The following OVCH1 variants were observed in gnomAD, a reference collection of about 807,000 sequenced individuals.
The protein encoded by OVCH1 is ovochymase-1.
In OVCH1, 139 loss-of-function variants were observed where a neutral mutation model predicts 138.4. The ratio of observed to expected loss-of-function variants is 1.00; its 90% CI spans 0.87 to 1.16. The LOEUF (loss-of-function observed/expected upper bound fraction) is 1.16. Among genes scored for constraint, OVCH1 ranks in the 50% most tolerant of loss-of-function variants. The pLI is 0.00. For synonymous variants in OVCH1, 453 were observed against 467.8 expected (o/e 0.97, Z 0.41); for missense variants, 1,367 against 1,357.9 (o/e 1.01, Z -0.11).
chr12:29,431,275 A>G lies in OVCH1; in HGVS notation c.3327+2476T>C, dbSNP rs181432322. Among the ~76,000 whole-genome samples the G allele has an allele frequency of 5.8e-3, 875 of 152,114 alleles. 6 individuals are homozygous for G. The highest frequency in any genetic ancestry group is 7.9e-3 in the Non-Finnish European group (535 of 67,998). ...AACAGCAAGACCTCGTCTCTACCAA[A>G]AAAAACAAAAGTGCTAGCCAGGTAT... On this transcript the variant is annotated intron_variant, in intron 27 of 27. Coordinates refer to ENST00000318184, the Ensembl canonical transcript of OVCH1.
downstream of OVCH1, chr12:29,423,443 G>T (rs1473773514): frequency 2.7e-6 from 1 of 371,344 alleles, no homozygotes; most frequent in Non-Finnish European, 5.3e-6. Flanking sequence ...AAGATTTGTA[G>T]GATGGAACTC....
At chr12:29,484,150 T>C (rs564754311) in intron 8 of OVCH1, among the ~76,000 whole-genome samples, 24 of 152,344 alleles carry the variant, frequency 1.6e-4, no homozygotes, top group African/African-American at 5.8e-4. Flanking sequence ...CTTAAAGATA[T>C]TTTTAGCTAC....
intron 25 of OVCH1, 59 bp downstream of exon 25, chr12:29,443,302 C>T: frequency 6.5e-7 from 1 of 1,528,902 alleles, no homozygotes; most frequent in Non-Finnish European, 8.9e-7. Context: ...ATGAAACAAT[C>T]TAAACATGTT....
chr12:29,458,514 A>G lies in OVCH1; in HGVS notation c.2281-3109T>C, dbSNP rs145487248. 9.1e-4 allele frequency among the ~76,000 whole-genome samples: 139 copies of G among 152,302 alleles called. 2 individuals are homozygous for G. The East Asian group carries it at 0.022, about 24-fold the overall frequency. On this transcript the variant is annotated intron_variant, in intron 19 of 27. Coordinates refer to ENST00000318184, the Ensembl canonical transcript of OVCH1. The stretch of plus-strand genomic sequence containing the variant: ...TCAAATCAAAATGGATTAAAGACTC[A>G]AATCTAAGACCTCAAACTATAAAAT...
downstream of OVCH1, among the ~76,000 whole-genome samples, chr12:29,411,390 A>C (rs1461049123): frequency 2.0e-5 from 3 of 151,236 alleles, no homozygotes; most frequent in African/African-American, 7.3e-5. Flanking sequence ...TGCTTTTTAG[A>C]GTTTCCAGTT....
At chr12:29,450,003 T>C (rs1454530803) in intron 22 of OVCH1, among the ~76,000 whole-genome samples, 1 of 152,116 alleles carries the variant, frequency 6.6e-6, no homozygotes, top group Non-Finnish European at 1.5e-5. Flanking sequence ...TTACATCTTA[T>C]ACAAAAATTA....
intron 27 of OVCH1, chr12:29,430,943 A>C (rs575214310): frequency 1.4e-4 from 74 of 516,144 alleles, no homozygotes; most frequent in Admixed American, 1.1e-3. Flanking sequence ...GAGTCCAGGC[A>C]GAAACGGTTT....
chr12:29,435,052 TATA>T (rs1487812726), intron 26 of OVCH1, among the ~76,000 whole-genome samples: 1 of 152,192 alleles, frequency 6.6e-6, no homozygotes, highest in East Asian at 1.9e-4. Flanking sequence ...CAAACTGAAA[TATA>T]ATATTTTTAG....
chr12:29,491,211 C>A lies in OVCH1; in HGVS notation c.455-19G>T, dbSNP rs747362940. 6.3e-7 allele frequency: 1 copy of A among 1,576,620 alleles called. No homozygotes were observed. The highest frequency in any genetic ancestry group is 8.7e-7 in the Non-Finnish European group (1 of 1,147,194). ...GCATTTCCTGAGAAAACAACAAAGG[C>A]ATGAGGTTCATGGATAAATACGCCA... On this transcript the variant is annotated intron_variant, in intron 4 of 27. Transcript: ENST00000318184.
intron 19 of OVCH1, 116 bp from the exon 20 acceptor site, chr12:29,455,521 ATTTGT>A: frequency 2.6e-6 from 3 of 1,174,268 alleles, no homozygotes; most frequent in East Asian, 2.8e-5. Flanking sequence ...TTCCTTAAAG[ATTTGT>A]TTTGTCAATT....
In OVCH1 at chr12:29,451,325, T is replaced by C; in HGVS notation, c.2755+20A>G. On this transcript the variant is annotated intron_variant, in intron 22 of 27. Transcript: ENST00000318184. ...GGACCAAGACTCCTAGCACGAAGTT[T>C]ATATGCCAGGAAGGATTACCTGCCG... 2 of 1,596,250 alleles carry C rather than the reference T, an allele frequency of 1.3e-6. No individual in the cohort carries two copies. Among genetic ancestry groups the C allele is most frequent in the Non-Finnish European group, 1.7e-6 (2 of 1,167,196 alleles).
At chr12:29,433,843 A>G in intron 26 of OVCH1, 3 of 1,370,440 alleles carry the variant, frequency 2.2e-6, no homozygotes, top group Non-Finnish European at 2.9e-6. Flanking sequence ...TTTTAATGGA[A>G]ATGCCTCCCA....
In OVCH1 at chr12:29,470,052, G is replaced by A. The variant is rs201040436; in HGVS notation, c.1856+1750C>T. Among the ~76,000 whole-genome samples, 11 of 152,194 alleles carry A rather than the reference G, an allele frequency of 7.2e-5. No individual in the cohort carries two copies. The East Asian group carries it at 1.2e-3, about 16-fold the overall frequency. On this transcript the variant is annotated intron_variant, in intron 16 of 27. Coordinates refer to ENST00000318184, the Ensembl canonical transcript of OVCH1. ...TGGCTTACTCTACACAAGGTATTAC[G>A]GAGATGAAGTAAGACACAAGAATAT...
chr12:29,440,809 T>C (rs1378088962), intron 25 of OVCH1, 65 bp from the exon 26 acceptor site: 7 of 449,740 alleles, frequency 1.6e-5, no homozygotes, highest in Non-Finnish European at 3.1e-5. Context: ...ATCTGAAGAA[T>C]AAAAAAGACA....
At chr12:29,451,455 C>T in exon 22 of OVCH1, 2 of 1,613,310 alleles carry the variant, frequency 1.2e-6, no homozygotes, top group Non-Finnish European at 1.7e-6. Context: ...TGCCATACTG[C>T]TTGCTGAAAC....
rs185562016 is a variant in OVCH1, at chr12:29,496,377, A to G, written c.184-99T>C. On this transcript the variant is annotated intron_variant, in intron 2 of 27. Coordinates refer to ENST00000318184, the Ensembl canonical transcript of OVCH1. ...ATCAACTTTTCTAATCTGACATAAT[A>G]TTCTTAAAATACCGACATAAATTGG... The G allele has an allele frequency of 1.4e-4, 168 of 1,206,250 alleles. No homozygotes were observed. In the African/African-American group the frequency reaches 2.4e-3, roughly 17 times the overall value. The allele number at this position is 1,206,250 out of a possible 1,614,324, so 74.7% of individuals were successfully genotyped here.
At chr12:29,476,385 T>A in intron 12 of OVCH1, 86 bp from the exon 13 acceptor site, 1 of 1,090,018 alleles carries the variant, frequency 9.2e-7, no homozygotes, top group Non-Finnish European at 1.4e-6. Context: ...ATTTAAAGGC[T>A]CTTTGTCACA....
At chr12:29,430,215 TC>T (rs1274583038) in intron 27 of OVCH1, among the ~76,000 whole-genome samples, 17 of 151,776 alleles carry the variant, frequency 1.1e-4, no homozygotes, top group African/African-American at 3.4e-4. Context: ...ATATTTCACT[TC>T]CCCCATAACT....
In OVCH1 at chr12:29,487,898, A is replaced by C. The variant is rs764559368; in HGVS notation, c.703-16T>G. 3 of 1,591,080 alleles carry C rather than the reference A, an allele frequency of 1.9e-6. No homozygotes were observed. The highest frequency in any genetic ancestry group is 2.6e-6 in the Non-Finnish European group (3 of 1,170,880). On this transcript the variant is annotated splice_polypyrimidine_tract_variant and intron_variant, in intron 6 of 27. Transcript: ENST00000318184. ...CAGAGTCCCCCTTTCATGGTACAAA[A>C]AAAGAGAAAATTTGAAAATAGCCAC...
Sources: allele counts gnomAD v4.1 joint callset (sites outside exome capture counted in the v4.1 genomes callset), GRCh38; gene constraint gnomAD v4.1.1; transcripts MANE v1.5; gene names NCBI Gene and HGNC (gene_info 2026-07-23, HGNC 2026-07-21).